Variants in ZNF177 observed in about 807,000 individuals in gnomAD.
The protein encoded by ZNF177 is zinc finger protein 177.
In ZNF177, 17 loss-of-function variants were observed where a neutral mutation model predicts 19.4. That is an observed-to-expected ratio of 0.87 (90% confidence interval 0.60 to 1.31). The LOEUF (loss-of-function observed/expected upper bound fraction) is 1.31. Ranked by LOEUF, ZNF177 falls within the 40% of genes most tolerant of loss-of-function variation. ZNF177 has a pLI of 0.00. For missense variants in ZNF177, 633 were observed against 561.8 expected (o/e 1.13, Z -1.28); for synonymous variants, 220 against 188.7 (o/e 1.17, Z -1.36).
exon 2 of ZNF177, chr19:9,378,279 G>GC: frequency 6.2e-7 from 1 of 1,613,052 alleles, no homozygotes; most frequent in Non-Finnish European, 8.5e-7. Context: ...TTAGGACTCT[G>GC]CCCAGCCAGG....
At chr19:9,370,409 T>G (rs918721017) in intron 2 of ZNF177, among the ~76,000 whole-genome samples, 5 of 145,084 alleles carry the variant, frequency 3.4e-5, no homozygotes, top group Non-Finnish European at 6.0e-5. Flanking sequence ...GGTTGGTTTG[T>G]TTTTTTTTTG....
chr19:9,363,824 A>G, intron 1 of ZNF177, among the ~76,000 whole-genome samples: 1 of 152,068 alleles, frequency 6.6e-6, no homozygotes, highest in East Asian at 1.9e-4. Flanking sequence ...TCCTATTACG[A>G]CCCACTCCTG....
intron 2 of ZNF177, among the ~76,000 whole-genome samples, chr19:9,366,532 C>G (rs1353256349): frequency 6.6e-6 from 1 of 152,148 alleles, no homozygotes; most frequent in Non-Finnish European, 1.5e-5. Context: ...CTGAGGATTA[C>G]AGGCATGAGT....
exon 3 of ZNF177, chr19:9,379,009 G>A (rs1242917580): frequency 3.1e-6 from 5 of 1,610,650 alleles, no homozygotes; most frequent in Non-Finnish European, 3.4e-6. Context: ...CCCAGGAGGA[G>A]TGGGCATTGC....
upstream of ZNF177, among the ~76,000 whole-genome samples, chr19:9,372,014 CTG>C (rs1211843751): frequency 3.3e-5 from 5 of 152,088 alleles, no homozygotes; most frequent in African/African-American, 1.2e-4. Flanking sequence ...CACCTGACAC[CTG>C]TGTGTTAGCT....
chr19:9,374,448 C>G (rs1265313180), upstream of ZNF177, among the ~76,000 whole-genome samples: 1 of 152,042 alleles, frequency 6.6e-6, no homozygotes, highest in Non-Finnish European at 1.5e-5. Context: ...ATAGGAATTG[C>G]ATTAATTTGT....
At chr19:9,374,444 A>C (rs970036733), upstream of ZNF177, among the ~76,000 whole-genome samples, 4 of 152,156 alleles carry the variant, frequency 2.6e-5, no homozygotes, top group African/African-American at 9.7e-5. Context: ...TTTCATAGGA[A>C]TTGCATTAAT....
At chr19:9,374,743 T>G (rs1272679017), upstream of ZNF177, among the ~76,000 whole-genome samples, 3 of 152,192 alleles carry the variant, frequency 2.0e-5, no homozygotes, top group East Asian at 5.8e-4. Context: ...CATGTTAGTT[T>G]TAACATTTTT....
At chr19:9,377,103 A>G (rs901754570) in intron 1 of ZNF177, among the ~76,000 whole-genome samples, 2 of 152,180 alleles carry the variant, frequency 1.3e-5, no homozygotes, top group African/African-American at 4.8e-5. Context: ...GATGGTCCAC[A>G]TATGTGACAG....
intron 5 of ZNF177, among the ~76,000 whole-genome samples, 164 bp downstream of exon 7, chr19:9,380,303 A>G (rs1049159589): frequency 1.3e-5 from 2 of 152,202 alleles, no homozygotes; most frequent in Non-Finnish European, 2.9e-5. Flanking sequence ...GAAATTGGAG[A>G]AATCTGTAAA....
chr19:9,379,942 A>T, intron 4 of ZNF177, 115 bp from the exon 7 acceptor site: 1 of 1,225,610 alleles, frequency 8.2e-7, no homozygotes, highest in Non-Finnish European at 1.1e-6. Flanking sequence ...CTTCTTTCTT[A>T]CATTTCTCTA....
chr19:9,381,539 A>G (rs535581532), exon 6 of ZNF177: 1 of 1,614,096 alleles, frequency 6.2e-7, no homozygotes. Flanking sequence ...CAGTGTGGAA[A>G]GTCCTTCAGC....
At chr19:9,367,317 A>AAAAAAT (rs754766553) in intron 2 of ZNF177, among the ~76,000 whole-genome samples, 1 of 152,192 alleles carries the variant, frequency 6.6e-6, no homozygotes, top group African/African-American at 2.4e-5. Context: ...TGTCTCAAAA[A>AAAAAAT]AAAAATAAAA....
chr19:9,375,459 C>G (rs889920691), upstream of ZNF177, among the ~76,000 whole-genome samples: 5 of 152,234 alleles, frequency 3.3e-5, no homozygotes, highest in African/African-American at 1.2e-4. Context: ...GCCACCAAGT[C>G]CTGGGCTTTT....
chr19:9,372,191 A>T (rs572130021), upstream of ZNF177, among the ~76,000 whole-genome samples: 2 of 152,192 alleles, frequency 1.3e-5, no homozygotes, highest in Non-Finnish European at 2.9e-5. Context: ...CTTGGGGACA[A>T]TGCCACTTAG....
intron 2 of ZNF177, among the ~76,000 whole-genome samples, chr19:9,370,570 C>T (rs772259952): frequency 2.6e-5 from 4 of 151,992 alleles, no homozygotes; most frequent in African/African-American, 9.7e-5. Context: ...TGCGCCACCA[C>T]GCCTGGATAA....
exon 5 of ZNF177, chr19:9,380,096 T>C: frequency 1.2e-6 from 2 of 1,612,272 alleles, no homozygotes; most frequent in East Asian, 2.2e-5. Context: ...ACAATTGCTA[T>C]GCAGAACATT....
At chr19:9,378,312 A>T in exon 2 of ZNF177, 2 of 1,613,720 alleles carry the variant, frequency 1.2e-6, no homozygotes, top group Non-Finnish European at 1.7e-6. Flanking sequence ...AGGAGGAAGA[A>T]TGGCTGCAGG....
At chr19:9,367,148 G>A (rs899653271) in intron 2 of ZNF177, among the ~76,000 whole-genome samples, 13 of 151,984 alleles carry the variant, frequency 8.6e-5, no homozygotes, top group South Asian at 2.1e-4. Context: ...GTGAAACCCC[G>A]TCTCTACTAA....
Sources: allele counts gnomAD v4.1 joint callset (sites outside exome capture counted in the v4.1 genomes callset), GRCh38; gene constraint gnomAD v4.1.1; transcripts MANE v1.5; gene names NCBI Gene and HGNC (gene_info 2026-07-23, HGNC 2026-07-21).